The following GOLGA8S variants were observed in gnomAD, a reference collection of about 807,000 sequenced individuals.
The protein encoded by GOLGA8S is golgin subfamily A member 8S.
A neutral mutation model predicts 58.9 loss-of-function variants in GOLGA8S; 23 were observed. That is an observed-to-expected ratio of 0.39 (90% confidence interval 0.28 to 0.55). The LOEUF is 0.55. GOLGA8S is among the 20% of genes least tolerant of loss of function. GOLGA8S has a pLI of 0.63. For missense variants in GOLGA8S, 266 were observed against 514.2 expected, an observed-to-expected ratio of 0.52 and a Z score of 4.67; for synonymous variants, 84 against 195.7, an observed-to-expected ratio of 0.43 and a Z score of 4.76.
At chr15:23,367,650 C>T (rs902644659), downstream of GOLGA8S, among the ~76,000 whole-genome samples, 1 of 151,760 alleles carries the variant, frequency 6.6e-6, no homozygotes, top group Non-Finnish European at 1.5e-5. Flanking sequence ...AGTCTTTCTC[C>T]AAAGTGCATG....
At chr15:23,361,435 A>G (rs1166647194) in exon 12 of GOLGA8S, 2 of 794,472 alleles carry the variant, frequency 2.5e-6, no homozygotes, top group East Asian at 4.8e-5. Context: ...TGGCCGAGCC[A>G]CAGAACAGCT....
chr15:23,368,483 TA>T (rs1220349096), downstream of GOLGA8S, among the ~76,000 whole-genome samples: 1 of 151,792 alleles, frequency 6.6e-6, no homozygotes, highest in Non-Finnish European at 1.5e-5. Context: ...AAACACAAAA[TA>T]AAAAAGTTAT....
exon 12 of GOLGA8S, chr15:23,361,234 C>T (rs1298393306): frequency 1.3e-6 from 2 of 1,486,164 alleles, no homozygotes; most frequent in Admixed American, 1.7e-5. Context: ...AACCTCTGCC[C>T]CCGGAGCCCC....
At chr15:23,357,757 G>A (rs1349501286) in intron 4 of GOLGA8S, 138 bp downstream of exon 4, 5 of 554,032 alleles carry the variant, frequency 9.0e-6, no homozygotes, top group South Asian at 2.0e-5. Context: ...GCCTCACCTG[G>A]AGGGACCCCG....
intron 11 of GOLGA8S, 54 bp from the exon 12 acceptor site, chr15:23,361,167 T>C: frequency 1.4e-6 from 1 of 735,766 alleles, no homozygotes; most frequent in Non-Finnish European, 1.9e-6. Flanking sequence ...TTCTTTTCTT[T>C]TCTTTTTTTT....
rs1567269530 is a variant in GOLGA8S at position 23,363,658 on chromosome 15, G to A, written c.1256-20G>A. On this transcript the variant is annotated intron_variant, in intron 14 of 18. Coordinates refer to ENST00000562295, the Ensembl canonical transcript of GOLGA8S. ...GTTGAGTTGTCTGAGGACCCCTCTG[G>A]CCACCACCCCCACCCCCAGGAGATG... is the stretch of plus-strand genomic sequence containing the variant. 9.9e-6 allele frequency: 4 copies of A among 405,338 alleles called. 1 individual carries two copies. Among genetic ancestry groups the A allele is most frequent in the Non-Finnish European group, 1.8e-5 (4 of 224,208 alleles). The allele number at this position is 405,338 out of a possible 1,614,324, so 25.1% of individuals were successfully genotyped here. A position where few individuals can be genotyped will look rare whatever the true frequency, so the allele number is the denominator to read the frequency against.
exon 12 of GOLGA8S, chr15:23,361,232 C>G (rs780437241): frequency 6.8e-7 from 1 of 1,479,626 alleles, no homozygotes; most frequent in South Asian, 1.1e-5. Flanking sequence ...TGAACCTCTG[C>G]CCCCGGAGCC....
rs565120055 is a variant in GOLGA8S, at chr15:23,364,521, C to T, written c.1449-5C>T. The T allele has an allele frequency of 1.5e-4, 236 of 1,602,720 alleles. 5 individuals are homozygous for T. Among genetic ancestry groups the T allele is most frequent in the East Asian group, 1.2e-3 (54 of 44,818 alleles). ...CCCCAGCGTCTGAGCCCTGTCCTCC[C>T]GCAGGAAAATCCATCACCTTTTATC... On this transcript the variant is annotated splice_region_variant and splice_polypyrimidine_tract_variant and intron_variant, in intron 16 of 18. Coordinates refer to ENST00000562295, the Ensembl canonical transcript of GOLGA8S.
exon 11 of GOLGA8S, chr15:23,360,736 G>C (rs375110315): frequency 9.1e-7 from 1 of 1,098,676 alleles, no homozygotes; most frequent in Non-Finnish European, 1.4e-6. Flanking sequence ...AGGTTTGCTC[G>C]TTGAAGAAGG....
intron 1 of GOLGA8S, 99 bp from the exon 2 acceptor site, chr15:23,356,492 T>C (rs2069690414): frequency 1.2e-5 from 2 of 173,352 alleles, no homozygotes; most frequent in Non-Finnish European, 2.3e-5. Context: ...TATCATTAAA[T>C]CAGATGGTGT....
chr15:23,363,404 C>CG (rs535571448), intron 14 of GOLGA8S, 164 bp downstream of exon 14: 61 of 872,404 alleles, frequency 7.0e-5, no homozygotes, highest in Admixed American at 2.8e-4. Context: ...CTCCTGGGAG[C>CG]GGGGGGCCAC....
chr15:23,361,505 C>A, intron 12 of GOLGA8S, 49 bp downstream of exon 12: 1 of 749,752 alleles, frequency 1.3e-6, no homozygotes, highest in Non-Finnish European at 2.4e-6. Context: ...GCCCTCCAGG[C>A]CTTTGTTTCC....
Position 23,360,837 on chromosome 15 carries a change from C to T in GOLGA8S, c.874+22C>T, listed in dbSNP as rs778446578. The T allele has an allele frequency of 8.9e-6, 12 of 1,349,164 alleles. No homozygotes were observed. In the East Asian group the frequency reaches 2.8e-4, roughly 31 times the overall value. The allele number at this position is 1,349,164 out of a possible 1,614,324, so 83.6% of individuals were successfully genotyped here. The stretch of plus-strand genomic sequence containing the variant: ...ATGGGTAAGATGGGGCTGGCGTGAC[C>T]TGGCAGCAGGACTGGCATCAGAGGG... On this transcript the variant is annotated intron_variant, in intron 11 of 18. Coordinates refer to ENST00000562295, the Ensembl canonical transcript of GOLGA8S.
chr15:23,363,740 C>T lies in GOLGA8S; in HGVS notation c.1318C>T (p.Pro440Ser). 3.3e-6 allele frequency: 2 copies of T among 599,904 alleles called. 1 individual carries two copies. The highest frequency in any genetic ancestry group is 5.3e-6 in the Non-Finnish European group (2 of 379,938). The allele number at this position is 599,904 out of a possible 1,614,324, so 37.2% of individuals were successfully genotyped here. A position where few individuals can be genotyped will look rare whatever the true frequency, so the allele number is the denominator to read the frequency against. ...GGCACCTCGGCCCATTCCTAGCATC[C>T]CACAGGACCTGGAGAGCAGGGAGGC... is the stretch of plus-strand genomic sequence containing the variant. Residue 440 changes from proline (P) to serine (S), a missense_variant, in exon 15 of 19, where the codon CCA becomes TCA. Pro to Ser is a moderately conservative substitution (Grantham distance 74). Around this residue, in one of 6 missense-constraint regions of GOLGA8S, gnomAD observed 88 missense variants for 77.7 expected, o/e 1.13. Transcript: ENST00000562295.
At chr15:23,366,203 G>C (rs574910526), downstream of GOLGA8S, 1 of 151,754 alleles carries the variant, frequency 6.6e-6, no homozygotes, top group East Asian at 1.9e-4. Context: ...CTCTAGTCAA[G>C]AATGAATTAG....
intron 1 of GOLGA8S, among the ~76,000 whole-genome samples, chr15:23,356,369 T>G (rs1453642434): frequency 7.4e-6 from 1 of 134,690 alleles, no homozygotes; most frequent in Admixed American, 8.1e-5. Context: ...GTCAGAAGAC[T>G]GAGTTTCAAA....
Position 23,356,242 on chromosome 15 carries a change from G to A in GOLGA8S, c.49-349G>A, listed in dbSNP as rs191681216. Among the ~76,000 whole-genome samples, 19 of 145,320 alleles carry A rather than the reference G, an allele frequency of 1.3e-4. 1 individual carries two copies. Among genetic ancestry groups the A allele is most frequent in the South Asian group, 2.2e-4 (1 of 4,480 alleles). ...TTCACACTAACAGACGTGTGAGGAT[G>A]TATGACTAAACCACATGGCATACAG... On this transcript the variant is annotated intron_variant, in intron 1 of 18. Coordinates refer to ENST00000562295, the Ensembl canonical transcript of GOLGA8S.
chr15:23,366,033 C>T (rs1381543020), downstream of GOLGA8S: 16 of 150,036 alleles, frequency 1.1e-4, no homozygotes, highest in Admixed American at 1.1e-3. Flanking sequence ...TTTGTATCTA[C>T]AATACATTTT....
rs1306239152 is a variant in GOLGA8S at position 23,364,523 on chromosome 15, C to T, written c.1449-3C>T. On this transcript the variant is annotated splice_region_variant and splice_polypyrimidine_tract_variant and intron_variant, in intron 16 of 18. Transcript: ENST00000562295. ...CCAGCGTCTGAGCCCTGTCCTCCCG[C>T]AGGAAAATCCATCACCTTTTATCAG... is the stretch of plus-strand genomic sequence containing the variant. 7 of 1,602,366 alleles carry T rather than the reference C, an allele frequency of 4.4e-6. No homozygotes were observed. Among genetic ancestry groups the T allele is most frequent in the Non-Finnish European group, 5.1e-6 (6 of 1,178,644 alleles).
Sources: gnomAD v4.1 joint callset for allele counts (sites outside exome capture counted in the v4.1 genomes callset) on GRCh38, gnomAD v4.1.1 for gene constraint, gnomAD v4.1.1 regional missense constraint, MANE v1.5 for transcripts, NCBI Gene and HGNC (gene_info 2026-07-23, HGNC 2026-07-21) for gene names.